STAG1: variants seen among roughly 807,000 people sequenced by gnomAD.
The protein encoded by STAG1 is cohesin subunit SA-1.
In STAG1, 26 loss-of-function variants were observed where a neutral mutation model predicts 170.9. The ratio of observed to expected loss-of-function variants is 0.15; its 90% CI spans 0.11 to 0.21. STAG1 has a LOEUF of 0.21. Among genes scored for constraint, STAG1 ranks in the 10% least tolerant of loss-of-function variants. The pLI, the probability that STAG1 is intolerant of heterozygous loss-of-function variation, is 1.00. For synonymous variants in STAG1, 514 were observed against 497.7 expected, an observed-to-expected ratio of 1.03 and a Z score of -0.44; for missense variants, 964 against 1,509.5, an observed-to-expected ratio of 0.64 and a Z score of 5.99.
At chr3:136,594,726 G>A (rs192954798) in intron 4 of STAG1, among the ~76,000 whole-genome samples, 3 of 152,222 alleles carry the variant, frequency 2.0e-5, no homozygotes, top group East Asian at 1.9e-4. Flanking sequence ...GTAGCCCTGC[G>A]CCTAACCCAA....
At chr3:136,358,349 T>G (rs1471473536) in intron 27 of STAG1, among the ~76,000 whole-genome samples, 1 of 151,998 alleles carries the variant, frequency 6.6e-6, no homozygotes, top group Non-Finnish European at 1.5e-5. Flanking sequence ...CCTCCCAAAG[T>G]GCTGGGATTA....
At chr3:136,647,057 C>T (rs562196781) in intron 1 of STAG1, among the ~76,000 whole-genome samples, 4 of 152,162 alleles carry the variant, frequency 2.6e-5, no homozygotes, top group Admixed American at 6.5e-5. Flanking sequence ...TACTGCAACA[C>T]CACTATGTAC....
chr3:136,456,240 T>C (rs1241031602), intron 13 of STAG1, among the ~76,000 whole-genome samples: 2 of 152,070 alleles, frequency 1.3e-5, no homozygotes, highest in Non-Finnish European at 2.9e-5. Context: ...TTTTAAGGAA[T>C]TACATACACA....
rs1300597936 is a variant in STAG1 at position 136,604,287 on chromosome 3, GA to G, written c.297+21del. 6.9e-6 allele frequency: 11 copies of G among 1,599,582 alleles called. No homozygotes were observed. The Admixed American group carries it at 1.9e-4, about 28-fold the overall frequency. The stretch of plus-strand genomic sequence containing the variant: ...TTATTAACTGTATTGCTTTATACGT[GA>G]AATAAAAACTTAAAATTTACCTGCA... On this transcript the variant is annotated intron_variant, in intron 4 of 33. Transcript: ENST00000383202.
At chr3:136,736,956 C>T in intron 1 of STAG1, 1 of 1,597,294 alleles carries the variant, frequency 6.3e-7, no homozygotes, top group Non-Finnish European at 8.6e-7. Flanking sequence ...CCTCAAAAGC[C>T]TTTTGTGCTC....
intron 2 of STAG1, among the ~76,000 whole-genome samples, chr3:136,626,957 C>A (rs1940129028): frequency 6.6e-6 from 1 of 152,154 alleles, no homozygotes; most frequent in Non-Finnish European, 1.5e-5. Flanking sequence ...TCGTATTTAT[C>A]TTGTGTGGAC....
Position 136,367,077 on chromosome 3 carries a change from C to A in STAG1, c.2551G>T (p.Asp851Tyr). 1 of 1,608,698 alleles carries A rather than the reference C, an allele frequency of 6.2e-7. No homozygotes were observed. Among genetic ancestry groups the A allele is most frequent in the Non-Finnish European group, 8.5e-7 (1 of 1,176,510 alleles). ...QDEENQSMEG[D>Y]EEDEANKIEA... ...ATTTTATTAGCTTCATCTTCTTCAT[C>A]ACCCTCTAAACACAGATTACAAATT... Residue 851 changes from aspartate (D) to tyrosine (Y), a missense_variant, in exon 25 of 34, where the codon GAT (aspartate) becomes TAT (tyrosine). This residue lies in a region of STAG1 where 149 missense variants were observed against 301.3 expected (regional missense o/e 0.49). Coordinates refer to ENST00000383202, the MANE Select transcript of STAG1 (RefSeq NM_005862.3).
intron 16 of STAG1, chr3:136,429,958 T>G (rs891121725): frequency 6.6e-6 from 1 of 152,256 alleles, no homozygotes; most frequent in Admixed American, 6.5e-5. Flanking sequence ...ATACAAAATG[T>G]GTTAATCCAT....
intron 21 of STAG1, among the ~76,000 whole-genome samples, chr3:136,405,782 C>CTCTA (rs956350858): frequency 2.1e-5 from 2 of 94,716 alleles, no homozygotes; most frequent in African/African-American, 8.6e-5. Context: ...CAGAATGAGA[C>CTCTA]TCTATCTCCA....
At chr3:136,565,040 A>AG (rs1553746596) in intron 5 of STAG1, among the ~76,000 whole-genome samples, 43 of 41,364 alleles carry the variant, frequency 1.0e-3, no homozygotes, top group Admixed American at 1.6e-3. Context: ...GCAGGCAGGC[A>AG]GAAGGGAGGG....
At chr3:136,562,018 A>G (rs1167296134) in intron 5 of STAG1, among the ~76,000 whole-genome samples, 1 of 151,784 alleles carries the variant, frequency 6.6e-6, no homozygotes, top group African/African-American at 2.4e-5. Context: ...ATATTCCTTT[A>G]CTCTTTAATA....
At chr3:136,409,485 C>T (rs546671551) in intron 21 of STAG1, among the ~76,000 whole-genome samples, 4 of 151,996 alleles carry the variant, frequency 2.6e-5, no homozygotes, top group Non-Finnish European at 2.9e-5. Context: ...TACAGGAGCA[C>T]GCCACTATGC....
chr3:136,624,470 A>C (rs185167070), intron 2 of STAG1, among the ~76,000 whole-genome samples: 75 of 152,286 alleles, frequency 4.9e-4, no homozygotes, highest in Non-Finnish European at 3.2e-4. Flanking sequence ...GGTGGTTTCT[A>C]TTTTTGTTCA....
intron 1 of STAG1, among the ~76,000 whole-genome samples, chr3:136,727,056 T>C (rs1163667182): frequency 6.6e-6 from 1 of 152,216 alleles, no homozygotes; most frequent in Non-Finnish European, 1.5e-5. Flanking sequence ...CCTTTTTTAA[T>C]GTTAAGTACC....
chr3:136,554,656 A>T (rs1368328744), intron 5 of STAG1, among the ~76,000 whole-genome samples: 1 of 152,178 alleles, frequency 6.6e-6, no homozygotes, highest in Non-Finnish European at 1.5e-5. Flanking sequence ...GCATATTGTG[A>T]GGTTGAGAGG....
intron 29 of STAG1, among the ~76,000 whole-genome samples, chr3:136,345,353 T>A (rs1198506528): frequency 1.3e-5 from 2 of 152,048 alleles, no homozygotes; most frequent in African/African-American, 4.8e-5. Flanking sequence ...CCTCCCAGAA[T>A]GCTGGGATTA....
intron 15 of STAG1, among the ~76,000 whole-genome samples, chr3:136,441,966 G>A (rs2088645916): frequency 1.3e-5 from 2 of 152,194 alleles, no homozygotes; most frequent in Non-Finnish European, 2.9e-5. Flanking sequence ...GGTAGGCCGA[G>A]GCGGGAGGAT....
intron 22 of STAG1, among the ~76,000 whole-genome samples, chr3:136,380,623 T>C (rs929858462): frequency 2.6e-5 from 4 of 152,238 alleles, no homozygotes; most frequent in Middle Eastern, 3.4e-3. Flanking sequence ...GTAGAACTGA[T>C]AGAATTTAGG....
At chr3:136,590,495 AAAAAAAGAAAAAAAAAAAC>A (rs1410815034) in intron 4 of STAG1, among the ~76,000 whole-genome samples, 2 of 151,834 alleles carry the variant, frequency 1.3e-5, no homozygotes, top group African/African-American at 4.8e-5. Context: ...TCTGTCTCAA[AAAAAAAGAAAAAAAAAAAC>A]AAAAACAAAA....
Sources: gnomAD v4.1 joint callset for allele counts (sites outside exome capture counted in the v4.1 genomes callset) on GRCh38, gnomAD v4.1.1 for gene constraint, gnomAD v4.1.1 regional missense constraint, MANE v1.5 for transcripts, NCBI Gene and HGNC (gene_info 2026-07-23, HGNC 2026-07-21) for gene names.